SPRED1: variants seen among roughly 807,000 people sequenced by gnomAD.
SPRED1 encodes the protein sprouty-related, EVH1 domain-containing protein 1.
A neutral mutation model predicts 52.3 loss-of-function variants in SPRED1; 18 were observed. The ratio of observed to expected loss-of-function variants is 0.34; its 90% CI spans 0.24 to 0.51. SPRED1 has a LOEUF of 0.51. Among genes scored for constraint, SPRED1 ranks in the 20% least tolerant of loss-of-function variants. SPRED1 has a pLI of 0.97. For missense variants in SPRED1, 485 were observed against 551.0 expected (o/e 0.88, Z 1.20); for synonymous variants, 155 against 179.7 (o/e 0.86, Z 1.10).
chr15:38,269,987 A>G (rs1894398724), intron 1 of SPRED1, among the ~76,000 whole-genome samples: 1 of 147,148 alleles, frequency 6.8e-6, no homozygotes, highest in African/African-American at 2.5e-5. Flanking sequence ...AGACCACTGC[A>G]ACCCCTGCCT....
chr15:38,253,087 C>T lies in SPRED1; in HGVS notation c.-99C>T. 3 of 1,005,366 alleles carry T rather than the reference C, an allele frequency of 3.0e-6. No individual in the cohort carries two copies. Among genetic ancestry groups the T allele is most frequent in the African/African-American group, 1.6e-5 (1 of 62,070 alleles). The allele number at this position is 1,005,366 out of a possible 1,614,324, so 62.3% of individuals were successfully genotyped here. On this transcript the variant is annotated 5_prime_UTR_variant, in exon 1 of 7. Coordinates refer to ENST00000299084, the MANE Select transcript of SPRED1 (RefSeq NM_152594.3). The stretch of plus-strand genomic sequence containing the variant: ...AGGCCCCTGTGCCGCTGCCCCCGCG[C>T]CCCCCCGGCCGCCGCTGCCTCCTGC...
chr15:38,294,528 A>G lies in SPRED1; in HGVS notation c.33-4845A>G, dbSNP rs538650666. Among the ~76,000 whole-genome samples the G allele has an allele frequency of 7.2e-5, 11 of 152,296 alleles. No individual in the cohort carries two copies. The South Asian group carries it at 1.9e-3, about 26-fold the overall frequency. ...TGACTTAAAACAACAGAAATTTATT[A>G]TATTTTAGCCTGGAGGTCAGAAATA... On this transcript the variant is annotated intron_variant, in intron 1 of 6. Transcript: ENST00000299084.
In SPRED1 at chr15:38,325,134, C is replaced by T. The variant is rs1329047700; in HGVS notation, c.423+325C>T. 2.6e-5 allele frequency among the ~76,000 whole-genome samples: 4 copies of T among 152,062 alleles called. No homozygotes were observed. The East Asian group carries it at 7.7e-4, about 29-fold the overall frequency. ...AGGCCTGAGCCACCGTGCCTGGCCC[C>T]AAAATCCGAAACTTTTTGAGTATGG... On this transcript the variant is annotated intron_variant, in intron 4 of 6. Coordinates refer to ENST00000299084, the MANE Select transcript of SPRED1 (RefSeq NM_152594.3).
chr15:38,322,721 C>T (rs780368308), intron 3 of SPRED1, among the ~76,000 whole-genome samples: 8 of 152,084 alleles, frequency 5.3e-5, no homozygotes, highest in Non-Finnish European at 8.8e-5. Context: ...TGTACAGCTG[C>T]GAGAATCCCA....
intron 1 of SPRED1, among the ~76,000 whole-genome samples, chr15:38,278,988 T>A (rs1201817506): frequency 6.6e-6 from 1 of 151,950 alleles, no homozygotes; most frequent in Non-Finnish European, 1.5e-5. Flanking sequence ...CCACCATGCC[T>A]GGCTAATTTT....
At chr15:38,321,936 C>G (rs1895611099) in intron 2 of SPRED1, among the ~76,000 whole-genome samples, 1 of 152,090 alleles carries the variant, frequency 6.6e-6, no homozygotes, top group Admixed American at 6.6e-5. Flanking sequence ...ATTACCAACC[C>G]CCTGCCTGTT....
chr15:38,287,865 AC>A (rs112684619), intron 1 of SPRED1, among the ~76,000 whole-genome samples: 124,988 of 151,546 alleles, frequency 0.82, 52,292 homozygotes, highest in Non-Finnish European at 0.9. Context: ...CCGAGGAACA[AC>A]TGTAGCCTAC....
intron 1 of SPRED1, among the ~76,000 whole-genome samples, chr15:38,266,031 T>G (rs1328742103): frequency 6.6e-6 from 1 of 152,252 alleles, no homozygotes; most frequent in Non-Finnish European, 1.5e-5. Flanking sequence ...TGCTCATGTT[T>G]AGTTAAGTTT....
chr15:38,281,421 C>T (rs1387974886), intron 1 of SPRED1, among the ~76,000 whole-genome samples: 1 of 152,064 alleles, frequency 6.6e-6, no homozygotes, highest in Non-Finnish European at 1.5e-5. Flanking sequence ...AGACGGGAGT[C>T]TCTGTCTGTC....
chr15:38,296,002 G>A (rs562491904), intron 1 of SPRED1, among the ~76,000 whole-genome samples: 1 of 152,276 alleles, frequency 6.6e-6, no homozygotes, highest in Non-Finnish European at 1.5e-5. Context: ...TATTAAAACT[G>A]TGCAGTGTAT....
At chr15:38,328,850 G>A (rs111950125) in intron 4 of SPRED1, among the ~76,000 whole-genome samples, 1 of 151,988 alleles carries the variant, frequency 6.6e-6, no homozygotes, top group African/African-American at 2.4e-5. Flanking sequence ...CTCCCGAGTA[G>A]CCATAGGCAC....
chr15:38,256,010 A>G (rs1014985648), intron 1 of SPRED1, among the ~76,000 whole-genome samples: 5 of 152,160 alleles, frequency 3.3e-5, no homozygotes, highest in African/African-American at 1.2e-4. Flanking sequence ...ATTATTTGAA[A>G]TTAAAGTTTT....
rs925815971 is a variant in SPRED1 at position 38,352,119 on chromosome 15, CATTT to C, written c.*459_*462del. On this transcript the variant is annotated 3_prime_UTR_variant, in exon 7 of 7. Transcript: ENST00000299084. ...AGAAGTAAAACAAGTGCAACTAAAT[CATTT>C]ATTAGTTGTTTTTTGAAAGCAGTTT... The C allele has an allele frequency of 7.1e-5, 12 of 169,814 alleles. No homozygotes were observed. The highest frequency in any genetic ancestry group is 6.1e-4 in the South Asian group (4 of 6,536). The allele number at this position is 169,814 out of a possible 1,614,324, so 10.5% of individuals were successfully genotyped here. A position where few individuals can be genotyped will look rare whatever the true frequency, so the allele number is the denominator to read the frequency against.
At chr15:38,320,825 T>A (rs1261859857) in intron 2 of SPRED1, among the ~76,000 whole-genome samples, 1 of 152,218 alleles carries the variant, frequency 6.6e-6, no homozygotes, top group African/African-American at 2.4e-5. Context: ...ATATATCCAC[T>A]TTTGTTTTAT....
intron 1 of SPRED1, chr15:38,268,375 C>T (rs1894357283): frequency 6.6e-6 from 1 of 152,174 alleles, no homozygotes; most frequent in African/African-American, 2.4e-5. Context: ...TAGTTTAGAA[C>T]AGGGAATTTT....
Position 38,355,587 on chromosome 15 carries a change from C to T in SPRED1, c.*3923C>T, listed in dbSNP as rs930722388. On this transcript the variant is annotated 3_prime_UTR_variant, in exon 7 of 7. Coordinates refer to ENST00000299084, the MANE Select transcript of SPRED1 (RefSeq NM_152594.3). The stretch of plus-strand genomic sequence containing the variant: ...TATTTCTTGTGTTGAAATTTACATT[C>T]GATTTTGTGATTACACTTGGAAGTA... 2 of 152,060 alleles carry T rather than the reference C, an allele frequency of 1.3e-5. No homozygotes were observed. Among genetic ancestry groups the T allele is most frequent in the African/African-American group, 4.8e-5 (2 of 41,398 alleles). 9.4% of individuals were successfully genotyped at this position (152,060 alleles called of 1,614,324 possible).
chr15:38,315,836 A>G, intron 2 of SPRED1, among the ~76,000 whole-genome samples: 1 of 151,952 alleles, frequency 6.6e-6, no homozygotes, highest in Non-Finnish European at 1.5e-5. Context: ...GGCATCACCT[A>G]GTCACCAACA....
intron 1 of SPRED1, among the ~76,000 whole-genome samples, chr15:38,269,999 C>T (rs933909554): frequency 1.3e-5 from 2 of 150,956 alleles, no homozygotes; most frequent in South Asian, 2.1e-4. Context: ...CCCCTGCCTC[C>T]CAGGTTCAAG....
At chr15:38,304,473 G>A (rs1342714516) in intron 2 of SPRED1, among the ~76,000 whole-genome samples, 1 of 152,188 alleles carries the variant, frequency 6.6e-6, no homozygotes, top group Non-Finnish European at 1.5e-5. Flanking sequence ...TAGAGATAGT[G>A]GAGTATTGTT....
Sources: gnomAD v4.1 joint callset for allele counts (sites outside exome capture counted in the v4.1 genomes callset) on GRCh38, gnomAD v4.1.1 for gene constraint, MANE v1.5 for transcripts, NCBI Gene and HGNC (gene_info 2026-07-23, HGNC 2026-07-21) for gene names.